Variants in TNR observed in about 807,000 individuals in gnomAD.
TNR encodes the protein tenascin R.
Under a neutral mutation model 150.4 loss-of-function variants are expected in TNR, and 45 were observed. The ratio of observed to expected loss-of-function variants is 0.30; its 90% CI spans 0.24 to 0.38. The LOEUF (loss-of-function observed/expected upper bound fraction) is 0.38, where lower values mean the gene tolerates loss of function less well. TNR is among the 10% of genes least tolerant of loss of function. The probability of loss-of-function intolerance (pLI) is 1.00; values close to 1 mark genes in which losing one functional copy is unlikely to be tolerated. For synonymous variants in TNR, 687 were observed against 678.4 expected (o/e 1.01, Z -0.20); for missense variants, 1,544 against 1,759.1 (o/e 0.88, Z 2.19).
chr1:175,611,528 C>CT (rs1484459437), intron 1 of TNR, among the ~76,000 whole-genome samples: 3 of 152,208 alleles, frequency 2.0e-5, no homozygotes, highest in Non-Finnish European at 2.9e-5. Context: ...GAGATGGGGT[C>CT]TTGCTATGTT....
At chr1:175,503,623 T>C (rs1658829900) in intron 2 of TNR, among the ~76,000 whole-genome samples, 1 of 152,210 alleles carries the variant, frequency 6.6e-6, no homozygotes, top group Admixed American at 6.5e-5. Context: ...CCTGGCTTCC[T>C]TTCCACAAGG....
At chr1:175,411,771 A>C (rs1025435541) in intron 2 of TNR, among the ~76,000 whole-genome samples, 1 of 151,816 alleles carries the variant, frequency 6.6e-6, no homozygotes, top group African/African-American at 2.4e-5. Flanking sequence ...ATCTGCAATG[A>C]CCCTATTTCC....
intron 2 of TNR, among the ~76,000 whole-genome samples, chr1:175,439,266 C>G (rs1369298663): frequency 6.6e-6 from 1 of 152,058 alleles, no homozygotes; most frequent in Non-Finnish European, 1.5e-5. Context: ...GAAAAACAAG[C>G]AATGGGGAAA....
At chr1:175,595,868 A>C (rs933221013) in intron 1 of TNR, among the ~76,000 whole-genome samples, 18 of 152,330 alleles carry the variant, frequency 1.2e-4, no homozygotes, top group Non-Finnish European at 1.5e-4. Context: ...TATTACTCAT[A>C]ACATCCTTAT....
chr1:175,693,829 G>A (rs1666441186), intron 1 of TNR, among the ~76,000 whole-genome samples: 1 of 152,212 alleles, frequency 6.6e-6, no homozygotes, highest in Non-Finnish European at 1.5e-5. Flanking sequence ...GGGATGATGA[G>A]CAATAACTTT....
At chr1:175,335,295 T>A in intron 20 of TNR, 1 of 161,170 alleles carries the variant, frequency 6.2e-6, no homozygotes. Flanking sequence ...CCAGGTCAGG[T>A]AATAACATTC....
chr1:175,347,970 C>T (rs1339999584), intron 18 of TNR, among the ~76,000 whole-genome samples: 1 of 151,804 alleles, frequency 6.6e-6, no homozygotes, highest in African/African-American at 2.4e-5. Context: ...AATAAAATTG[C>T]CATTATTTGT....
chr1:175,413,540 A>C (rs1654305888), intron 2 of TNR, among the ~76,000 whole-genome samples: 1 of 152,228 alleles, frequency 6.6e-6, no homozygotes, highest in Admixed American at 6.5e-5. Context: ...AAAGGCAACA[A>C]CTTAGAAGGC....
chr1:175,548,974 C>T (rs1660828868), intron 1 of TNR, among the ~76,000 whole-genome samples: 1 of 152,210 alleles, frequency 6.6e-6, no homozygotes, highest in Non-Finnish European at 1.5e-5. Context: ...TCACCATGTC[C>T]CTGTGCCAAG....
intron 1 of TNR, among the ~76,000 whole-genome samples, chr1:175,729,292 G>A (rs1251247417): frequency 1.3e-5 from 2 of 152,198 alleles, no homozygotes; most frequent in East Asian, 1.9e-4. Context: ...CCCTGGCATG[G>A]GAGCCTCCCA....
chr1:175,619,237 G>A (rs558703452), intron 1 of TNR, among the ~76,000 whole-genome samples: 2 of 152,276 alleles, frequency 1.3e-5, no homozygotes, highest in African/African-American at 4.8e-5. Flanking sequence ...GGGCAACCAT[G>A]AGAGCAATGG....
chr1:175,364,998 C>G lies in TNR; in HGVS notation c.2587+12G>C, dbSNP rs774766895. The G allele has an allele frequency of 1.9e-6, 3 of 1,593,126 alleles. No individual in the cohort carries two copies. The highest frequency in any genetic ancestry group is 3.4e-5 in the Admixed American group (2 of 58,352). The stretch of plus-strand genomic sequence containing the variant: ...CCCTTTCATCACCTGCTGCCAAGTC[C>G]TCCAGCCTCACCTGTGGTGATGGAG... On this transcript the variant is annotated intron_variant, in intron 12 of 22. Transcript: ENST00000367674.
chr1:175,732,859 T>C (rs886829329), intron 1 of TNR, among the ~76,000 whole-genome samples: 1 of 152,254 alleles, frequency 6.6e-6, no homozygotes, highest in Non-Finnish European at 1.5e-5. Context: ...TTTCTATACA[T>C]GAAGTACTTA....
At chr1:175,637,475 A>T (rs1664520929) in intron 1 of TNR, among the ~76,000 whole-genome samples, 1 of 152,204 alleles carries the variant, frequency 6.6e-6, no homozygotes, top group Non-Finnish European at 1.5e-5. Flanking sequence ...CTTTGGACTC[A>T]TACCCACCCT....
rs546150033 is a variant in TNR at position 175,631,074 on chromosome 1, T to G, written c.-164-102705A>C. Reference sequence around the variant, plus strand: ...TTCTCAAATTTCAACGGCGCAATCTTTGTGAAATAGGACCTGGAATGTCCT... The same window carrying G: ...TTCTCAAATTTCAACGGCGCAATCTGTGTGAAATAGGACCTGGAATGTCCT... On this transcript the variant is annotated intron_variant, in intron 1 of 22. Coordinates refer to ENST00000367674, the MANE Select transcript of TNR (RefSeq NM_003285.3). Among the ~76,000 whole-genome samples, 13 of 152,308 alleles carry G rather than the reference T, an allele frequency of 8.5e-5. No individual in the cohort carries two copies. In the South Asian group the frequency reaches 2.7e-3, roughly 32 times the overall value.
At chr1:175,689,268 C>T (rs979384888) in intron 1 of TNR, among the ~76,000 whole-genome samples, 2 of 152,218 alleles carry the variant, frequency 1.3e-5, no homozygotes, top group Non-Finnish European at 1.5e-5. Flanking sequence ...CAGTGGCACA[C>T]TGCCTCTTCA....
intron 2 of TNR, among the ~76,000 whole-genome samples, chr1:175,456,685 AATGT>A (rs1239121595): frequency 1.3e-5 from 2 of 152,120 alleles, no homozygotes; most frequent in Non-Finnish European, 2.9e-5. Context: ...TCTAAAACAA[AATGT>A]ATGGCCCATG....
chr1:175,639,178 A>G (rs1477306352), intron 1 of TNR, among the ~76,000 whole-genome samples: 1 of 152,164 alleles, frequency 6.6e-6, no homozygotes, highest in Non-Finnish European at 1.5e-5. Context: ...TTTAAATCTC[A>G]AGTCAGATGA....
chr1:175,371,334 C>T (rs1273383190), intron 9 of TNR, among the ~76,000 whole-genome samples: 4 of 152,176 alleles, frequency 2.6e-5, no homozygotes, highest in Non-Finnish European at 1.5e-5. Flanking sequence ...GAGGTTGATG[C>T]TTTTCTCAAC....
Sources: gnomAD v4.1 joint callset for allele counts (sites outside exome capture counted in the v4.1 genomes callset) on GRCh38, gnomAD v4.1.1 for gene constraint, MANE v1.5 for transcripts, NCBI Gene and HGNC (gene_info 2026-07-23, HGNC 2026-07-21) for gene names.